The following ATG10 variants were observed in gnomAD, a reference collection of about 807,000 sequenced individuals.
The protein encoded by ATG10 is autophagy related 10, also known as ubiquitin-like-conjugating enzyme ATG10.
In ATG10, 30 loss-of-function variants were observed where a neutral mutation model predicts 32.1. The observed-to-expected ratio is 0.94, with a 90% CI of 0.70 to 1.27. The LOEUF (loss-of-function observed/expected upper bound fraction) is 1.27. ATG10 is among the 50% of genes most tolerant of loss of function. The pLI, the probability that ATG10 is intolerant of heterozygous loss-of-function variation, is 0.00. For missense variants in ATG10, 233 were observed against 262.3 expected (o/e 0.89, Z 0.77); for synonymous variants, 87 against 91.5 (o/e 0.95, Z 0.28).
chr5:82,074,154 C>T (rs1204745940), intron 3 of ATG10, among the ~76,000 whole-genome samples: 2 of 151,988 alleles, frequency 1.3e-5, no homozygotes, highest in African/African-American at 2.4e-5. Flanking sequence ...AAAATTATTC[C>T]ACAAAGAACT....
chr5:82,230,724 C>G (rs1369690726), intron 5 of ATG10, among the ~76,000 whole-genome samples: 1 of 109,482 alleles, frequency 9.1e-6, no homozygotes, highest in Admixed American at 1.1e-4. Context: ...CAGAGTGAGA[C>G]TCCGTCTCAA....
At chr5:82,161,653 G>T (rs1359103168) in intron 3 of ATG10, among the ~76,000 whole-genome samples, 1 of 146,034 alleles carries the variant, frequency 6.8e-6, no homozygotes, top group African/African-American at 2.6e-5. Flanking sequence ...GCACAGTGAT[G>T]GCCTAAGAAG....
chr5:82,198,727 C>T (rs974005464), intron 5 of ATG10, among the ~76,000 whole-genome samples: 2 of 152,172 alleles, frequency 1.3e-5, no homozygotes, highest in African/African-American at 4.8e-5. Flanking sequence ...AAGAAATTCC[C>T]GAAAGGGAAC....
chr5:82,157,229 C>T (rs1398566664), intron 3 of ATG10, among the ~76,000 whole-genome samples: 2 of 151,972 alleles, frequency 1.3e-5, no homozygotes, highest in East Asian at 1.9e-4. Context: ...AAGAATGGCA[C>T]CTTTTTACCC....
intron 3 of ATG10, among the ~76,000 whole-genome samples, chr5:82,084,819 G>A (rs1366388875): frequency 6.6e-6 from 1 of 152,122 alleles, no homozygotes; most frequent in African/African-American, 2.4e-5. Context: ...CCTTACAAGA[G>A]CCCCTGAAGG....
rs546167537 is a variant in ATG10 at position 82,081,590 on chromosome 5, G to A, written c.216+22988G>A. ...TGAAGGCTGTTGAATTTTGTCAAAGGCCTTTTCTGCATCTATTGAGATAAT... is the reference window on the plus strand; with the variant it reads ...TGAAGGCTGTTGAATTTTGTCAAAGACCTTTTCTGCATCTATTGAGATAAT... On this transcript the variant is annotated intron_variant, in intron 3 of 7. Coordinates refer to ENST00000282185, the MANE Select transcript of ATG10 (RefSeq NM_031482.5). Among the ~76,000 whole-genome samples, 26 of 152,272 alleles carry A rather than the reference G, an allele frequency of 1.7e-4. No individual in the cohort carries two copies. The South Asian group carries it at 5.4e-3, about 32-fold the overall frequency.
At chr5:82,199,555 T>A (rs982227521) in intron 5 of ATG10, among the ~76,000 whole-genome samples, 1 of 152,220 alleles carries the variant, frequency 6.6e-6, no homozygotes, top group African/African-American at 2.4e-5. Context: ...GATATCAATA[T>A]AAGCATATTA....
intron 2 of ATG10, among the ~76,000 whole-genome samples, chr5:82,029,041 T>C (rs1762672519): frequency 6.6e-6 from 1 of 152,228 alleles, no homozygotes; most frequent in Admixed American, 6.5e-5. Flanking sequence ...GTTTGAAATG[T>C]ATGATTTCAA....
At chr5:82,009,550 C>G in intron 2 of ATG10, 1 of 1,496,566 alleles carries the variant, frequency 6.7e-7, no homozygotes. Flanking sequence ...CTCTCCTGAG[C>G]TACAGAAGGA....
At chr5:82,071,414 C>T (rs753064521) in intron 3 of ATG10, among the ~76,000 whole-genome samples, 5 of 152,052 alleles carry the variant, frequency 3.3e-5, no homozygotes, top group South Asian at 2.1e-4. Flanking sequence ...ACCTATCAAC[C>T]GATCCTGGCT....
At chr5:82,121,941 G>GTTT (rs77349086) in intron 3 of ATG10, among the ~76,000 whole-genome samples, 11 of 120,994 alleles carry the variant, frequency 9.1e-5, no homozygotes, top group East Asian at 2.3e-4. Flanking sequence ...TTGGCCTGAA[G>GTTT]TTTTTTTTTT....
intron 5 of ATG10, among the ~76,000 whole-genome samples, chr5:82,248,404 T>C (rs1375659768): frequency 6.6e-6 from 1 of 152,228 alleles, no homozygotes; most frequent in African/African-American, 2.4e-5. Flanking sequence ...TTGGCTCTTA[T>C]GGCCAGATTG....
At chr5:82,171,300 C>A (rs2149911054) in intron 4 of ATG10, among the ~76,000 whole-genome samples, 1 of 152,250 alleles carries the variant, frequency 6.6e-6, no homozygotes, top group South Asian at 2.1e-4. Flanking sequence ...TAGATTGTAA[C>A]ACACATAAAC....
At chr5:82,036,356 G>A (rs1210498819) in intron 2 of ATG10, among the ~76,000 whole-genome samples, 2 of 152,206 alleles carry the variant, frequency 1.3e-5, no homozygotes, top group African/African-American at 4.8e-5. Flanking sequence ...AACTTTGGGA[G>A]GCTGAGGCGG....
chr5:82,065,211 C>T (rs950152388), intron 3 of ATG10, among the ~76,000 whole-genome samples: 4 of 152,054 alleles, frequency 2.6e-5, no homozygotes, highest in African/African-American at 2.4e-5. Context: ...TAGGGCCGGG[C>T]GCAGTGACTC....
At chr5:82,034,868 T>A (rs1762862363) in intron 2 of ATG10, among the ~76,000 whole-genome samples, 1 of 152,174 alleles carries the variant, frequency 6.6e-6, no homozygotes, top group South Asian at 2.1e-4. Flanking sequence ...CTCAACACTA[T>A]CATTTTTAAT....
Position 82,058,603 on chromosome 5 carries a change from G to A in ATG10, c.216+1G>A. ...TGGACAGACATGTCTTCCCATGGAGGTGAGTAGTTTAATGCATCATGTTCT... is the reference window on the plus strand; with the variant it reads ...TGGACAGACATGTCTTCCCATGGAGATGAGTAGTTTAATGCATCATGTTCT... On this transcript the variant is annotated splice_donor_variant, in intron 3 of 7. Transcript: ENST00000282185. LOFTEE classifies it high-confidence loss of function. 6.9e-6 allele frequency: 11 copies of A among 1,593,344 alleles called. No individual in the cohort carries two copies. Among genetic ancestry groups the A allele is most frequent in the Non-Finnish European group, 9.5e-6 (11 of 1,161,530 alleles).
intron 3 of ATG10, among the ~76,000 whole-genome samples, chr5:82,063,548 A>G (rs1184996668): frequency 3.3e-5 from 5 of 150,530 alleles, no homozygotes; most frequent in African/African-American, 9.8e-5. Flanking sequence ...GCTGGACTGC[A>G]GTGGTGTGAT....
At chr5:82,105,764 G>T (rs1765429375) in intron 3 of ATG10, among the ~76,000 whole-genome samples, 1 of 152,102 alleles carries the variant, frequency 6.6e-6, no homozygotes, top group African/African-American at 2.4e-5. Context: ...CTTTGATTTT[G>T]TCAGTTGCAG....
Sources: allele counts gnomAD v4.1 joint callset (sites outside exome capture counted in the v4.1 genomes callset), GRCh38; gene constraint gnomAD v4.1.1; transcripts MANE v1.5; gene names NCBI Gene and HGNC (gene_info 2026-07-23, HGNC 2026-07-21).